The following IQCH variants were observed in gnomAD, a reference collection of about 807,000 sequenced individuals.
IQCH encodes IQ domain-containing protein H.
Under a neutral mutation model 117.0 loss-of-function variants are expected in IQCH, and 98 were observed. The observed-to-expected ratio is 0.84, with a 90% CI of 0.71 to 0.99. The LOEUF is 0.99. Among genes scored for constraint, IQCH ranks in the 50% least tolerant of loss-of-function variants. The pLI is 0.00. For synonymous variants in IQCH, 412 were observed against 448.2 expected (o/e 0.92, Z 1.02); for missense variants, 1,102 against 1,243.8 (o/e 0.89, Z 1.72).
rs890067731 is a variant in IQCH at position 67,411,228 on chromosome 15, G to T, written c.2098-5703G>T. Among the ~76,000 whole-genome samples the T allele has an allele frequency of 1.3e-5, 2 of 152,066 alleles. No individual in the cohort carries two copies. Among genetic ancestry groups the T allele is most frequent in the African/African-American group, 2.4e-5 (1 of 41,398 alleles). On this transcript the variant is annotated intron_variant, in intron 14 of 20. Coordinates refer to ENST00000335894, the MANE Select transcript of IQCH (RefSeq NM_001031715.3). This position sits in a 1 kb window ranked among gnomAD's most constrained non-coding sequence, Gnocchi z 4.4. ...TCAAATCCGGAGCACCTTTCATGGTGCTCCCCACTTTACACTCTGAAGAGG... is the reference window on the plus strand; with the variant it reads ...TCAAATCCGGAGCACCTTTCATGGTTCTCCCCACTTTACACTCTGAAGAGG...
At chr15:67,264,142 G>A (rs1965571894) in intron 3 of IQCH, among the ~76,000 whole-genome samples, 1 of 152,234 alleles carries the variant, frequency 6.6e-6, no homozygotes, top group Non-Finnish European at 1.5e-5. Flanking sequence ...CAGTGCCACA[G>A]GCATCCATCA....
rs2083084743 is a variant in IQCH, at chr15:67,472,095, CA to C, written c.2677-3600del. ...ACCCTCAGCTTGCTGCCAGAGTTCTCAGGGGAAATGACCATGGACTGACAGG... is the reference window on the plus strand; with the variant it reads ...ACCCTCAGCTTGCTGCCAGAGTTCTCGGGGAAATGACCATGGACTGACAGG... On this transcript the variant is annotated intron_variant, in intron 17 of 20. Coordinates refer to ENST00000335894, the MANE Select transcript of IQCH (RefSeq NM_001031715.3). This position sits in a 1 kb window ranked among gnomAD's most constrained non-coding sequence, Gnocchi z 4.3. Among the ~76,000 whole-genome samples the C allele has an allele frequency of 6.6e-6, 1 of 152,168 alleles. No homozygotes were observed. The highest frequency in any genetic ancestry group is 2.4e-5 in the African/African-American group (1 of 41,430).
chr15:67,355,587 C>G (rs978996658), intron 6 of IQCH, among the ~76,000 whole-genome samples: 12 of 148,602 alleles, frequency 8.1e-5, no homozygotes, highest in Non-Finnish European at 1.6e-4. Context: ...AAGTCTCCAT[C>G]TCAAAAAAAA....
intron 15 of IQCH, 86 bp from the exon 16 acceptor site, chr15:67,421,205 T>C (rs1287133548): frequency 8.6e-7 from 1 of 1,168,486 alleles, no homozygotes; most frequent in Non-Finnish European, 1.2e-6. Context: ...GCCCAAAGTC[T>C]TTCAAGACAT....
chr15:67,361,224 A>G (rs1351008634), intron 8 of IQCH, among the ~76,000 whole-genome samples: 1 of 152,182 alleles, frequency 6.6e-6, no homozygotes, highest in East Asian at 1.9e-4. Flanking sequence ...TTCAAATAGT[A>G]CTACTACTGC....
At chr15:67,293,760 G>T (rs778210207) in intron 4 of IQCH, among the ~76,000 whole-genome samples, 1 of 152,148 alleles carries the variant, frequency 6.6e-6, no homozygotes, top group Non-Finnish European at 1.5e-5. Context: ...GCACAAATTT[G>T]ATGGCTCTGA....
intron 4 of IQCH, among the ~76,000 whole-genome samples, chr15:67,290,854 G>A (rs934316070): frequency 6.6e-6 from 1 of 152,156 alleles, no homozygotes; most frequent in Non-Finnish European, 1.5e-5. Flanking sequence ...CTTTCCACGT[G>A]GAATTTAATA....
At chr15:67,409,697 T>C (rs908575135) in intron 14 of IQCH, among the ~76,000 whole-genome samples, 1 of 152,180 alleles carries the variant, frequency 6.6e-6, no homozygotes, top group African/African-American at 2.4e-5. Context: ...ACAGCCGAAA[T>C]GGGCCATTAG....
intron 16 of IQCH, among the ~76,000 whole-genome samples, chr15:67,451,151 T>C (rs1350331638): frequency 6.6e-6 from 1 of 152,220 alleles, no homozygotes; most frequent in Non-Finnish European, 1.5e-5. Context: ...TCTATCAATT[T>C]TGTTGATCTT....
chr15:67,319,975 A>T (rs1301849946), intron 4 of IQCH, among the ~76,000 whole-genome samples: 11 of 152,206 alleles, frequency 7.2e-5, no homozygotes. Context: ...ACCGTATTTG[A>T]GGTTAATCTC....
chr15:67,414,817 T>C (rs2140903039), intron 14 of IQCH, among the ~76,000 whole-genome samples: 1 of 152,180 alleles, frequency 6.6e-6, no homozygotes, highest in Non-Finnish European at 1.5e-5. Context: ...AATGACCACA[T>C]GTGTATAACT....
At chr15:67,285,845 A>G (rs1319328338) in intron 4 of IQCH, among the ~76,000 whole-genome samples, 1 of 152,156 alleles carries the variant, frequency 6.6e-6, no homozygotes, top group Non-Finnish European at 1.5e-5. Flanking sequence ...ATAGCTTTGT[A>G]GTATAATTTG....
At chr15:67,449,751 A>G (rs1429107070) in intron 16 of IQCH, among the ~76,000 whole-genome samples, 1 of 152,138 alleles carries the variant, frequency 6.6e-6, no homozygotes, top group African/African-American at 2.4e-5. Flanking sequence ...GTTTTTTCCA[A>G]TTCTGTGAAG....
intron 6 of IQCH, among the ~76,000 whole-genome samples, chr15:67,351,368 G>A (rs773617987): frequency 7.2e-5 from 11 of 151,876 alleles, no homozygotes; most frequent in Admixed American, 1.3e-4. Flanking sequence ...GTGTTAGTTT[G>A]CTGAAGGTGA....
chr15:67,348,079 A>G (rs1202466802), intron 6 of IQCH, among the ~76,000 whole-genome samples: 2 of 151,988 alleles, frequency 1.3e-5, no homozygotes, highest in African/African-American at 4.8e-5. Context: ...ATTTGTATCA[A>G]AAGCTCTAAG....
rs534088075 is a variant in IQCH, at chr15:67,490,175, G to A, written c.2861+111G>A. On this transcript the variant is annotated intron_variant, in intron 19 of 20. Transcript: ENST00000335894. The surrounding 1 kb of genome is among the most constrained non-coding windows in gnomAD (Gnocchi z 4.9). The stretch of plus-strand genomic sequence containing the variant: ...TAATCAGCATGCTGATTTATTAGAA[G>A]TCTATCTTTATTTAGATCTTCAGGT... 4.8e-4 allele frequency: 383 copies of A among 794,366 alleles called. No homozygotes were observed. The highest frequency in any genetic ancestry group is 7.3e-4 in the Non-Finnish European group (343 of 467,056). The allele number at this position is 794,366 out of a possible 1,614,324, so 49.2% of individuals were successfully genotyped here. A position where few individuals can be genotyped will look rare whatever the true frequency, so the allele number is the denominator to read the frequency against.
chr15:67,322,007 A>G (rs1968158213), intron 4 of IQCH, among the ~76,000 whole-genome samples: 1 of 152,224 alleles, frequency 6.6e-6, no homozygotes, highest in Non-Finnish European at 1.5e-5. Flanking sequence ...TTCAGCACAT[A>G]CTGATTTTTT....
At chr15:67,266,010 G>C (rs1041120039) in intron 3 of IQCH, among the ~76,000 whole-genome samples, 2 of 152,102 alleles carry the variant, frequency 1.3e-5, no homozygotes, top group Non-Finnish European at 2.9e-5. Context: ...CTTGATCAGG[G>C]GGTCAAAGAG....
intron 4 of IQCH, chr15:67,306,911 T>C: frequency 1.3e-6 from 2 of 1,485,074 alleles, no homozygotes; most frequent in Non-Finnish European, 1.8e-6. Flanking sequence ...AGTTAGACTT[T>C]ATAATACAAC....
Sources: allele counts gnomAD v4.1 joint callset (sites outside exome capture counted in the v4.1 genomes callset), GRCh38; gene constraint gnomAD v4.1.1; non-coding constraint Gnocchi (gnomAD v3.1); transcripts MANE v1.5; gene names NCBI Gene and HGNC (gene_info 2026-07-23, HGNC 2026-07-21).